PPFIA2: variants seen among roughly 807,000 people sequenced by gnomAD.
PPFIA2 encodes PPFI scaffold protein A2.
Under a neutral mutation model 175.5 loss-of-function variants are expected in PPFIA2, and 46 were observed. The ratio of observed to expected loss-of-function variants is 0.26; its 90% CI spans 0.21 to 0.34. PPFIA2 has a LOEUF of 0.34. Ranked by LOEUF, PPFIA2 falls within the 10% of genes least tolerant of loss-of-function variation. The probability of loss-of-function intolerance (pLI) is 1.00; values close to 1 mark genes in which losing one functional copy is unlikely to be tolerated. For missense variants in PPFIA2, 1,179 were observed against 1,506.1 expected (o/e 0.78, Z 3.60); for synonymous variants, 568 against 511.4 (o/e 1.11, Z -1.49).
intron 3 of PPFIA2, among the ~76,000 whole-genome samples, chr12:81,751,029 T>C (rs1015094434): frequency 6.6e-6 from 1 of 152,076 alleles, no homozygotes; most frequent in South Asian, 2.1e-4. Context: ...ATTTACAAAA[T>C]ATTCATAAAG....
intron 7 of PPFIA2, among the ~76,000 whole-genome samples, chr12:81,424,209 T>C (rs1283865555): frequency 6.6e-6 from 1 of 152,100 alleles, no homozygotes; most frequent in African/African-American, 2.4e-5. Context: ...GAATTTTGAT[T>C]GAATTACACC....
chr12:81,432,972 CA>C (rs200428758), intron 7 of PPFIA2, among the ~76,000 whole-genome samples: 5 of 150,018 alleles, frequency 3.3e-5, no homozygotes, highest in East Asian at 2.0e-4. Flanking sequence ...CAAACATTAA[CA>C]AAAAAAACCA....
chr12:81,572,265 A>G (rs544599845), intron 4 of PPFIA2, among the ~76,000 whole-genome samples: 3 of 151,934 alleles, frequency 2.0e-5, no homozygotes, highest in South Asian at 4.1e-4. Flanking sequence ...TCAGGTCTCA[A>G]CTCAAAAGTC....
intron 7 of PPFIA2, among the ~76,000 whole-genome samples, chr12:81,437,932 CTTTTTTT>C (rs757626140): frequency 2.1e-5 from 3 of 139,848 alleles, no homozygotes; most frequent in African/African-American, 7.8e-5. Context: ...TCTCTTATTT[CTTTTTTT>C]TTTTTTTCCC....
At chr12:81,438,345 G>A (rs994059322) in intron 7 of PPFIA2, among the ~76,000 whole-genome samples, 1 of 152,116 alleles carries the variant, frequency 6.6e-6, no homozygotes, top group Non-Finnish European at 1.5e-5. Context: ...GCACATGCCC[G>A]TAATCCCAGC....
At chr12:81,647,620 G>C (rs934470335) in intron 4 of PPFIA2, among the ~76,000 whole-genome samples, 1 of 151,176 alleles carries the variant, frequency 6.6e-6, no homozygotes, top group Non-Finnish European at 1.5e-5. Context: ...AATTAGCCGG[G>C]CGTGGTGGCG....
chr12:81,567,737 T>C (rs1237184898), intron 4 of PPFIA2, among the ~76,000 whole-genome samples: 1 of 152,234 alleles, frequency 6.6e-6, no homozygotes, highest in Non-Finnish European at 1.5e-5. Flanking sequence ...ACCCTCCCAT[T>C]CCAGGGCTTA....
chr12:81,322,340 G>C (rs2053843050), intron 22 of PPFIA2, among the ~76,000 whole-genome samples: 1 of 152,144 alleles, frequency 6.6e-6, no homozygotes, highest in South Asian at 2.1e-4. Context: ...GGTGCCTGGA[G>C]TTCAAAGAAA....
intron 4 of PPFIA2, among the ~76,000 whole-genome samples, chr12:81,664,042 C>A (rs1311443953): frequency 1.3e-5 from 2 of 152,008 alleles, no homozygotes; most frequent in Middle Eastern, 6.3e-3. Flanking sequence ...ATAAATTCAA[C>A]ATGGATTAAA....
intron 4 of PPFIA2, among the ~76,000 whole-genome samples, chr12:81,474,615 C>A (rs1302164700): frequency 6.6e-6 from 1 of 152,110 alleles, no homozygotes; most frequent in South Asian, 2.1e-4. Context: ...TAAAATTTTT[C>A]TTTTAAACAA....
intron 21 of PPFIA2, among the ~76,000 whole-genome samples, chr12:81,327,147 C>T (rs1203032744): frequency 6.6e-6 from 1 of 151,900 alleles, no homozygotes; most frequent in African/African-American, 2.4e-5. Context: ...TAATCTCATT[C>T]CTGATAACCT....
chr12:81,709,372 G>T (rs2077598011), intron 3 of PPFIA2, among the ~76,000 whole-genome samples: 1 of 151,768 alleles, frequency 6.6e-6, no homozygotes, highest in Non-Finnish European at 1.5e-5. Context: ...GATTTATTTT[G>T]TTAATTTTTT....
intron 14 of PPFIA2, among the ~76,000 whole-genome samples, chr12:81,365,687 C>T (rs866755178): frequency 6.6e-6 from 1 of 151,616 alleles, no homozygotes; most frequent in Non-Finnish European, 1.5e-5. Context: ...GAATGCTCTA[C>T]CTTTATGAAG....
chr12:81,362,745 G>T lies in PPFIA2; in HGVS notation c.1585C>A (p.Leu529Ile). The change falls in exon 15 of 33, where the codon CTT becomes ATT. Residue 529 changes from leucine (L) to isoleucine (I), a missense_variant. Coordinates refer to ENST00000549396, the MANE Select transcript of PPFIA2 (RefSeq NM_003625.5). ...AEEIEKLRSE[L>I]DQLKMRTGSL... ...CCAGTTCTCATTTTCAATTGGTCAA[G>T]TTCAGATCTCAGCTTTTCAATTTCT... is the stretch of plus-strand genomic sequence containing the variant. The T allele has an allele frequency of 6.5e-7, 1 of 1,546,874 alleles. No individual in the cohort carries two copies. The highest frequency in any genetic ancestry group is 2.0e-5 in the Admixed American group (1 of 50,894).
At chr12:81,596,052 T>C (rs2059209551) in intron 4 of PPFIA2, among the ~76,000 whole-genome samples, 1 of 152,148 alleles carries the variant, frequency 6.6e-6, no homozygotes, top group African/African-American at 2.4e-5. Flanking sequence ...AAATGGTCTG[T>C]TACTTTACAG....
chr12:81,595,236 TTA>T (rs111526144), intron 4 of PPFIA2, among the ~76,000 whole-genome samples: 192 of 146,586 alleles, frequency 1.3e-3, no homozygotes, highest in Admixed American at 1.9e-3. Flanking sequence ...TTCACTGTGT[TTA>T]TATATATATA....
intron 27 of PPFIA2, among the ~76,000 whole-genome samples, chr12:81,279,562 T>C (rs943125614): frequency 1.3e-5 from 2 of 152,208 alleles, no homozygotes; most frequent in South Asian, 2.1e-4. Flanking sequence ...GAAAAGACCA[T>C]AGGATGCAAT....
intron 24 of PPFIA2, among the ~76,000 whole-genome samples, chr12:81,294,349 T>C (rs1003312668): frequency 5.3e-5 from 8 of 151,396 alleles, no homozygotes; most frequent in African/African-American, 1.7e-4. Flanking sequence ...TCTTTAGTAA[T>C]CACTAATGCT....
At chr12:81,316,626 T>C (rs1162119747) in intron 22 of PPFIA2, among the ~76,000 whole-genome samples, 1 of 151,566 alleles carries the variant, frequency 6.6e-6, no homozygotes, top group African/African-American at 2.4e-5. Context: ...ACATCTCGTG[T>C]TTTGAAATCC....
Sources: allele counts gnomAD v4.1 joint callset (sites outside exome capture counted in the v4.1 genomes callset), GRCh38; gene constraint gnomAD v4.1.1; transcripts MANE v1.5; gene names NCBI Gene and HGNC (gene_info 2026-07-23, HGNC 2026-07-21).